KIF13B: variants seen among roughly 807,000 people sequenced by gnomAD.
The protein encoded by KIF13B is kinesin-like protein KIF13B.
KIF13B carries 127 observed loss-of-function variants against 222.0 expected under a neutral mutation model. The observed-to-expected ratio is 0.57, with a 90% CI of 0.50 to 0.66. The LOEUF is 0.66. Ranked by LOEUF, KIF13B falls within the 30% of genes least tolerant of loss-of-function variation. KIF13B has a pLI of 0.00. For missense variants in KIF13B, 2,173 were observed against 2,379.0 expected, an observed-to-expected ratio of 0.91 and a Z score of 1.80; for synonymous variants, 976 against 919.0, an observed-to-expected ratio of 1.06 and a Z score of -1.12.
At chr8:29,135,519 C>T (rs953443633) in intron 21 of KIF13B, among the ~76,000 whole-genome samples, 1 of 152,162 alleles carries the variant, frequency 6.6e-6, no homozygotes, top group Non-Finnish European at 1.5e-5. Context: ...CACCTGGTCA[C>T]GTTCTGCATG....
In KIF13B at chr8:29,133,951, C is replaced by T. The variant is rs1179377351; in HGVS notation, c.2784+89G>A. ...GAAACTGCTCCAAGACATATAACGG[C>T]ACATTTAGTCAAAGAAACAAGGTTC... On this transcript the variant is annotated intron_variant, in intron 22 of 39. Transcript: ENST00000524189. The T allele has an allele frequency of 1.1e-5, 14 of 1,265,598 alleles. No individual in the cohort carries two copies. In the East Asian group the frequency reaches 2.3e-4, roughly 20 times the overall value. 78.4% of individuals were successfully genotyped at this position (1,265,598 alleles called of 1,614,324 possible).
chr8:29,128,705 A>G (rs1371445323), intron 24 of KIF13B, among the ~76,000 whole-genome samples: 2 of 152,172 alleles, frequency 1.3e-5, no homozygotes, highest in Non-Finnish European at 2.9e-5. Flanking sequence ...GAGAGAAAGG[A>G]TCTGGCAATG....
intron 4 of KIF13B, chr8:29,190,595 C>A (rs1296933154): frequency 2.8e-5 from 5 of 181,162 alleles, no homozygotes; most frequent in South Asian, 1.2e-4. Context: ...GTTCTGTGAG[C>A]CGCTCTAGGA....
rs1480933525 is a variant in KIF13B, at chr8:29,109,982, A to G, written c.4019T>C (p.Ile1340Thr). 4.3e-6 allele frequency: 7 copies of G among 1,612,312 alleles called. No individual in the cohort carries two copies. Among genetic ancestry groups the G allele is most frequent in the Admixed American group, 1.7e-5 (1 of 59,802 alleles). Residue 1340 changes from isoleucine to threonine, a missense_variant, in exon 33 of 40, where the codon ATT (isoleucine) becomes ACT (threonine). By Grantham distance (89) the Ile-to-Thr change is moderately conservative (BLOSUM62 -1). This residue lies in a region of KIF13B where 1,480 missense variants were observed against 1,722.8 expected (regional missense o/e 0.86). Transcript: ENST00000524189. ...CAGCACGCTCCTGAGGTACTTTTCA[A>G]TATAAGCCTCCGAGTCAGCAGAAGC... ...NPASADSEAY[I>T]EKYLRSVLAV...
At chr8:29,210,730 T>C (rs1000096029) in intron 2 of KIF13B, among the ~76,000 whole-genome samples, 3 of 152,198 alleles carry the variant, frequency 2.0e-5, no homozygotes, top group African/African-American at 7.2e-5. Flanking sequence ...TTTAGCCAAA[T>C]TTATTTAACC....
At chr8:29,173,445 AC>A (rs1812336035) in intron 10 of KIF13B, among the ~76,000 whole-genome samples, 1 of 142,488 alleles carries the variant, frequency 7.0e-6, no homozygotes, top group Non-Finnish European at 1.5e-5. Flanking sequence ...ACATAGCAAG[AC>A]CTCATCTCTA....
intron 9 of KIF13B, 56 bp downstream of exon 9, chr8:29,177,410 C>T (rs908928282): frequency 2.7e-6 from 3 of 1,114,730 alleles, no homozygotes; most frequent in Admixed American, 1.7e-5. Context: ...CACAGATGTT[C>T]CCCTATTGGC....
intron 1 of KIF13B, among the ~76,000 whole-genome samples, chr8:29,254,894 C>T (rs377047868): frequency 2.0e-5 from 3 of 152,154 alleles, no homozygotes; most frequent in Admixed American, 2.0e-4. Context: ...AAGCCAAATG[C>T]CCATCAATTG....
intron 37 of KIF13B, among the ~76,000 whole-genome samples, chr8:29,085,705 CTTTTT>C (rs71222589): frequency 0.016 from 797 of 48,764 alleles, 13 homozygotes; most frequent in African/African-American, 0.048. Context: ...AAATACTCTT[CTTTTT>C]TTTTTTTTTT....
chr8:29,160,953 T>C, intron 12 of KIF13B, 86 bp from the exon 13 acceptor site: 5 of 1,112,560 alleles, frequency 4.5e-6, no homozygotes, highest in Non-Finnish European at 5.2e-6. Context: ...GTTACAATTA[T>C]TCAATAGTGT....
At position 29,072,161 on chromosome 8, in the gene KIF13B, G is replaced by A. The variant is rs780325964; in HGVS notation, c.4677C>T (p.Ser1559=). The A allele has an allele frequency of 2.1e-6, 3 of 1,423,806 alleles. No individual in the cohort carries two copies. The highest frequency in any genetic ancestry group is 1.6e-5 in the South Asian group (1 of 61,980). 88.2% of individuals were successfully genotyped at this position (1,423,806 alleles called of 1,614,324 possible). ...PAPEAQDGPP[S]PLSEASSGYF... ...ACCCGCTAGAGGCTTCACTCAGGGGGCTGGGGGGCCCGTCCTGTGCCTCCG... is the reference window on the plus strand; with the variant it reads ...ACCCGCTAGAGGCTTCACTCAGGGGACTGGGGGGCCCGTCCTGTGCCTCCG... The change falls in exon 39 of 40, where the codon AGC becomes AGT. Residue 1559 remains serine (S), a synonymous_variant. Transcript: ENST00000524189.
intron 2 of KIF13B, among the ~76,000 whole-genome samples, chr8:29,244,341 A>T (rs918038360): frequency 6.6e-6 from 1 of 152,134 alleles, no homozygotes; most frequent in Admixed American, 6.5e-5. Flanking sequence ...AATTAAACTC[A>T]ACTCAAAAGA....
chr8:29,173,730 G>C (rs1466776149), intron 10 of KIF13B, among the ~76,000 whole-genome samples: 1 of 151,988 alleles, frequency 6.6e-6, no homozygotes, highest in African/African-American at 2.4e-5. Flanking sequence ...GATCACTTGA[G>C]GTCAGGAGTT....
intron 34 of KIF13B, 26 bp downstream of exon 34, chr8:29,109,408 C>T: frequency 6.4e-7 from 1 of 1,566,548 alleles, no homozygotes; most frequent in Non-Finnish European, 8.8e-7. Context: ...CCAGGCACAG[C>T]ACAGAGCTTG....
chr8:29,152,628 G>A (rs1355481371), intron 14 of KIF13B, among the ~76,000 whole-genome samples: 2 of 150,268 alleles, frequency 1.3e-5, no homozygotes, highest in Non-Finnish European at 3.0e-5. Flanking sequence ...AATTTTTTTT[G>A]AGACACAGTC....
At chr8:29,123,305 G>T in intron 28 of KIF13B, 61 bp downstream of exon 28, 7 of 1,587,672 alleles carry the variant, frequency 4.4e-6, no homozygotes, top group Non-Finnish European at 6.0e-6. Context: ...CAAAATTCAA[G>T]CTAAAAGCAA....
At chr8:29,160,709 T>C (rs1452923788) in intron 13 of KIF13B, 24 bp downstream of exon 13, 7 of 1,601,720 alleles carry the variant, frequency 4.4e-6, no homozygotes, top group Non-Finnish European at 6.0e-6. Context: ...AACAAGAATC[T>C]AGTAGCAAAG....
chr8:29,249,249 G>A (rs1347266523), intron 1 of KIF13B, among the ~76,000 whole-genome samples: 5 of 151,950 alleles, frequency 3.3e-5, no homozygotes, highest in Non-Finnish European at 4.4e-5. Flanking sequence ...CCAACATGGT[G>A]AAACCCCGTC....
In KIF13B at chr8:29,155,707, A is replaced by C. The variant is rs776099540; in HGVS notation, c.1535+19T>G. 5.6e-6 allele frequency: 9 copies of C among 1,596,538 alleles called. No individual in the cohort carries two copies. In the South Asian group the frequency reaches 1.0e-4, roughly 18 times the overall value. On this transcript the variant is annotated intron_variant, in intron 14 of 39. Coordinates refer to ENST00000524189, the MANE Select transcript of KIF13B (RefSeq NM_015254.4). The stretch of plus-strand genomic sequence containing the variant: ...TCTGAAAAACTCTTGTGATATGAAC[A>C]CTAATTCAAGTATGTTACCTGGTGT...
Sources: allele counts gnomAD v4.1 joint callset (sites outside exome capture counted in the v4.1 genomes callset), GRCh38; gene constraint gnomAD v4.1.1; regional missense constraint gnomAD v4.1.1; transcripts MANE v1.5; gene names NCBI Gene and HGNC (gene_info 2026-07-23, HGNC 2026-07-21).